Variants in CDK5RAP2 observed in about 807,000 individuals in gnomAD.
CDK5RAP2 encodes CDK5 regulatory subunit associated protein 2, also known as CDK5 regulatory subunit-associated protein 2.
CDK5RAP2 carries 147 observed loss-of-function variants against 232.9 expected under a neutral mutation model. The ratio of observed to expected loss-of-function variants is 0.63; its 90% CI spans 0.55 to 0.72. The LOEUF is 0.72. Ranked by LOEUF, CDK5RAP2 falls within the 30% of genes least tolerant of loss-of-function variation. The pLI, the probability that CDK5RAP2 is intolerant of heterozygous loss-of-function variation, is 0.00. For synonymous variants in CDK5RAP2, 833 were observed against 833.7 expected (o/e 1.00, Z 0.01); for missense variants, 2,195 against 2,231.5 (o/e 0.98, Z 0.33).
intron 23 of CDK5RAP2, among the ~76,000 whole-genome samples, chr9:120,440,578 C>T (rs987040771): frequency 3.3e-5 from 5 of 152,202 alleles, no homozygotes; most frequent in Admixed American, 6.5e-5. Context: ...GCACCTTATG[C>T]ATATTACTCA....
rs2041522074 is a variant in CDK5RAP2, at chr9:120,539,158, T to G, written c.390A>C (p.Ala130=). The G allele has an allele frequency of 1.9e-6, 3 of 1,613,882 alleles. No individual in the cohort carries two copies. The highest frequency in any genetic ancestry group is 2.5e-6 in the Non-Finnish European group (3 of 1,179,804). ...REQLLIKASK[A]VESLAEAGGS... is the part of the protein sequence containing the mutation. The stretch of plus-strand genomic sequence containing the variant: ...CACCTGCTTCAGCTAAGCTCTCAAC[T>G]GCTTTGCTGCAAAAAGAGGCACAGG... The change falls in exon 6 of 38, where the codon GCA becomes GCC. Residue 130 remains alanine (A), a synonymous_variant. Coordinates refer to ENST00000349780, the MANE Select transcript of CDK5RAP2 (RefSeq NM_018249.6).
intron 21 of CDK5RAP2, among the ~76,000 whole-genome samples, chr9:120,451,588 AT>A (rs1234308834): frequency 2.6e-5 from 4 of 152,140 alleles, no homozygotes; most frequent in Non-Finnish European, 1.5e-5. Context: ...ACCACAAAAA[AT>A]ATCATTAAAT....
chr9:120,556,856 A>T (rs771661705), intron 3 of CDK5RAP2, among the ~76,000 whole-genome samples: 1 of 152,250 alleles, frequency 6.6e-6, no homozygotes, highest in Non-Finnish European at 1.5e-5. Context: ...GTTAATAAGA[A>T]CAGCACAAGA....
chr9:120,571,791 G>C (rs2042863849), intron 2 of CDK5RAP2, 183 bp downstream of exon 2: 2 of 652,546 alleles, frequency 3.1e-6, no homozygotes, highest in Non-Finnish European at 5.6e-6. Flanking sequence ...AATTCCTCTA[G>C]TCCAGTGTTT....
Position 120,572,020 on chromosome 9 carries a change from T to C in CDK5RAP2, c.81A>G (p.Pro27=), listed in dbSNP as rs780156492. 19 of 1,613,838 alleles carry C rather than the reference T, an allele frequency of 1.2e-5. No homozygotes were observed. Among genetic ancestry groups the C allele is most frequent in the Non-Finnish European group, 1.4e-5 (16 of 1,179,804 alleles). ...TGGGGTTGATGCCATCCAGGTCATCTGGTACACTGGGAACAAGGCCACTAG... is the reference window on the plus strand; with the variant it reads ...TGGGGTTGATGCCATCCAGGTCATCCGGTACACTGGGAACAAGGCCACTAG... ...SGCSGLVPSV[P]DDLDGINPNA... Residue 27 remains proline (P), a synonymous_variant, in exon 2 of 38, where the codon CCA becomes CCG. Coordinates refer to ENST00000349780, the MANE Select transcript of CDK5RAP2 (RefSeq NM_018249.6).
At position 120,491,492 on chromosome 9, in the gene CDK5RAP2, T is replaced by C. The variant is rs754972214; in HGVS notation, c.1312-15A>G. 1 of 1,596,588 alleles carries C rather than the reference T, an allele frequency of 6.3e-7. No individual in the cohort carries two copies. The highest frequency in any genetic ancestry group is 1.1e-5 in the South Asian group (1 of 90,612). ...TTTCTAAGATCCTACCAGAAGAAAA[T>C]GAAAAAATGGAATTTACTTGACAAA... is the stretch of plus-strand genomic sequence containing the variant. On this transcript the variant is annotated splice_polypyrimidine_tract_variant and intron_variant, in intron 12 of 37. Transcript: ENST00000349780.
chr9:120,559,242 A>T (rs2132114222), intron 3 of CDK5RAP2, among the ~76,000 whole-genome samples: 1 of 152,286 alleles, frequency 6.6e-6, no homozygotes, highest in South Asian at 2.1e-4. Context: ...TAATCCTAGC[A>T]CTTTGGGAGG....
intron 29 of CDK5RAP2, among the ~76,000 whole-genome samples, chr9:120,411,038 C>T (rs892825898): frequency 6.6e-6 from 1 of 152,194 alleles, no homozygotes; most frequent in African/African-American, 2.4e-5. Flanking sequence ...GGATGAGAGA[C>T]ACGTGGCTAC....
intron 17 of CDK5RAP2, among the ~76,000 whole-genome samples, chr9:120,469,316 C>T (rs767925630): frequency 6.6e-6 from 1 of 152,180 alleles, no homozygotes; most frequent in Admixed American, 6.5e-5. Flanking sequence ...GCTCACCCCC[C>T]CATCTCCCAT....
At chr9:120,452,514 T>C (rs1232841398) in intron 21 of CDK5RAP2, among the ~76,000 whole-genome samples, 1 of 152,034 alleles carries the variant, frequency 6.6e-6, no homozygotes, top group Non-Finnish European at 1.5e-5. Context: ...CAGCCTTCAC[T>C]GAACCACTAT....
At chr9:120,412,161 C>G (rs145171188) in intron 28 of CDK5RAP2, among the ~76,000 whole-genome samples, 3,111 of 152,370 alleles carry the variant, frequency 0.02, 46 homozygotes, top group Non-Finnish European at 0.03. Context: ...GATGGCCCAT[C>G]ATGGCAAAAG....
intron 15 of CDK5RAP2, among the ~76,000 whole-genome samples, chr9:120,473,068 T>C (rs1476919142): frequency 6.6e-6 from 1 of 152,220 alleles, no homozygotes; most frequent in Non-Finnish European, 1.5e-5. Context: ...CAGAAGAACA[T>C]GGAGACCCCA....
At chr9:120,518,763 G>A in intron 11 of CDK5RAP2, 118 bp from the exon 12 acceptor site, 2 of 770,674 alleles carry the variant, frequency 2.6e-6, no homozygotes, top group South Asian at 3.1e-5. Flanking sequence ...GATTAACATA[G>A]ACAACATTCA....
At chr9:120,492,853 T>C (rs1261860207) in intron 12 of CDK5RAP2, among the ~76,000 whole-genome samples, 2 of 152,166 alleles carry the variant, frequency 1.3e-5, no homozygotes, top group Non-Finnish European at 2.9e-5. Context: ...AATACAAACA[T>C]AGAAGAAGTT....
At chr9:120,408,735 C>G (rs1487230703) in intron 30 of CDK5RAP2, among the ~76,000 whole-genome samples, 1 of 152,252 alleles carries the variant, frequency 6.6e-6, no homozygotes, top group Admixed American at 6.5e-5. Flanking sequence ...ATCCTGCCAG[C>G]CCCCTCTCCA....
intron 25 of CDK5RAP2, among the ~76,000 whole-genome samples, chr9:120,427,002 G>A (rs920319469): frequency 4.6e-5 from 7 of 152,154 alleles, no homozygotes; most frequent in African/African-American, 1.7e-4. Flanking sequence ...TTAAGGTTTT[G>A]TTGGGTTCCC....
At chr9:120,405,961 G>A (rs577262647) in intron 32 of CDK5RAP2, among the ~76,000 whole-genome samples, 34 of 152,098 alleles carry the variant, frequency 2.2e-4, no homozygotes, top group Non-Finnish European at 4.7e-4. Context: ...TTTAATAAAT[G>A]AAAAAATATG....
chr9:120,577,571 G>T (rs2043082800), intron 1 of CDK5RAP2, among the ~76,000 whole-genome samples: 1 of 152,186 alleles, frequency 6.6e-6, no homozygotes, highest in African/African-American at 2.4e-5. Flanking sequence ...GGTTAAGATG[G>T]AATGTATGCA....
chr9:120,453,986 TA>T, intron 20 of CDK5RAP2, 113 bp from the exon 21 acceptor site: 1 of 1,082,238 alleles, frequency 9.2e-7, no homozygotes, highest in South Asian at 1.3e-5. Context: ...CCATCAAAAC[TA>T]AATACAGTGT....
Sources: gnomAD v4.1 joint callset for allele counts (sites outside exome capture counted in the v4.1 genomes callset) on GRCh38, gnomAD v4.1.1 for gene constraint, MANE v1.5 for transcripts, NCBI Gene and HGNC (gene_info 2026-07-23, HGNC 2026-07-21) for gene names.